Variants in CORIN observed in about 807,000 individuals in gnomAD.
CORIN encodes the protein atrial natriuretic peptide-converting enzyme.
CORIN carries 117 observed loss-of-function variants against 125.3 expected under a neutral mutation model. That is an observed-to-expected ratio of 0.93 (90% CI 0.80 to 1.09). The LOEUF is 1.09. Ranked by LOEUF, CORIN falls within the 50% of genes least tolerant of loss-of-function variation. The probability of loss-of-function intolerance (pLI) is 0.00; values close to 1 mark genes in which losing one functional copy is unlikely to be tolerated. For synonymous variants in CORIN, 450 were observed against 466.4 expected (o/e 0.96, Z 0.45); for missense variants, 1,253 against 1,306.7 (o/e 0.96, Z 0.63).
At position 47,645,858 on chromosome 4, in the gene CORIN, C is replaced by T. The variant is rs531100360; in HGVS notation, c.1844-664G>A. ...CCGAGATTGCACAACTGCACTCCAG[C>T]CTGGGTGACAGAACAAGACTCTGCC... On this transcript the variant is annotated intron_variant, in intron 13 of 21. Coordinates refer to ENST00000273857, the MANE Select transcript of CORIN (RefSeq NM_006587.4). Among the ~76,000 whole-genome samples, 11 of 152,200 alleles carry T rather than the reference C, an allele frequency of 7.2e-5. No homozygotes were observed. In the East Asian group the frequency reaches 2.1e-3, roughly 29 times the overall value.
intron 2 of CORIN, among the ~76,000 whole-genome samples, chr4:47,792,969 T>G (rs541674508): frequency 5.8e-4 from 88 of 152,362 alleles, no homozygotes; most frequent in African/African-American, 2.0e-3. Flanking sequence ...TGACAGAGTC[T>G]AGCCAATCTT....
chr4:47,783,695 T>TG (rs1730650853), intron 3 of CORIN, among the ~76,000 whole-genome samples: 1 of 152,054 alleles, frequency 6.6e-6, no homozygotes, highest in Admixed American at 6.6e-5. Flanking sequence ...TTAATACAGA[T>TG]CTAAGACATT....
intron 19 of CORIN, among the ~76,000 whole-genome samples, chr4:47,613,897 A>T (rs1232111876): frequency 1.3e-5 from 2 of 151,838 alleles, no homozygotes; most frequent in Admixed American, 6.6e-5. Flanking sequence ...AGCATGGCAC[A>T]TGTACACGTA....
At chr4:47,668,484 A>T (rs1245788903) in intron 10 of CORIN, among the ~76,000 whole-genome samples, 1 of 152,208 alleles carries the variant, frequency 6.6e-6, no homozygotes, top group African/African-American at 2.4e-5. Context: ...CTTATTTGTC[A>T]TGACCATCTT....
At chr4:47,787,069 G>GT (rs529181716) in intron 2 of CORIN, 144 bp from the exon 3 acceptor site, 7 of 642,938 alleles carry the variant, frequency 1.1e-5, no homozygotes, top group African/African-American at 5.5e-5. Flanking sequence ...GATGAAAGCC[G>GT]TAATAGTGAC....
intron 9 of CORIN, among the ~76,000 whole-genome samples, chr4:47,676,331 G>A (rs772947367): frequency 9.2e-5 from 14 of 152,132 alleles, no homozygotes; most frequent in East Asian, 1.9e-4. Context: ...TTGGTCAAGC[G>A]GTGCCTTGTG....
intron 5 of CORIN, among the ~76,000 whole-genome samples, chr4:47,704,605 C>G (rs1209692872): frequency 6.6e-6 from 1 of 152,016 alleles, no homozygotes; most frequent in African/African-American, 2.4e-5. Flanking sequence ...TCTACTTTAT[C>G]CATAAAGAGG....
chr4:47,687,910 A>G (rs1366861536), intron 6 of CORIN, among the ~76,000 whole-genome samples: 1 of 152,158 alleles, frequency 6.6e-6, no homozygotes, highest in Non-Finnish European at 1.5e-5. Context: ...AGGGTTTCTC[A>G]ACGGCAGTAT....
chr4:47,643,185 C>T lies in CORIN; in HGVS notation c.2029G>A (p.Glu677Lys), dbSNP rs1418872264. 2 of 1,614,112 alleles carry T rather than the reference C, an allele frequency of 1.2e-6. No individual in the cohort carries two copies. The highest frequency in any genetic ancestry group is 2.7e-5 in the African/African-American group (2 of 75,050). ...CVSRDLWCDG[E>K]ADCSDSSDEW... Reference sequence around the variant, plus strand: ...TCTGAACTGTCTGAGCAGTCGGCTTCACCATCACACCACAGGTCACGTGAC... The same window carrying T: ...TCTGAACTGTCTGAGCAGTCGGCTTTACCATCACACCACAGGTCACGTGAC... The change falls in exon 15 of 22, where the codon GAA becomes AAA. Residue 677 changes from glutamate (E) to lysine (K), a missense_variant. Glu to Lys is a moderately conservative substitution (Grantham distance 56). Transcript: ENST00000273857.
chr4:47,658,947 C>A (rs1724119925), intron 12 of CORIN, among the ~76,000 whole-genome samples: 3 of 152,222 alleles, frequency 2.0e-5, no homozygotes, highest in Non-Finnish European at 4.4e-5. Context: ...CTGTTAGACG[C>A]AGCCAGGCTA....
intron 3 of CORIN, among the ~76,000 whole-genome samples, chr4:47,782,175 A>T (rs1382548917): frequency 6.6e-6 from 1 of 151,970 alleles, no homozygotes; most frequent in Non-Finnish European, 1.5e-5. Flanking sequence ...ACTTGAGGTC[A>T]GGAGTTCAAG....
intron 2 of CORIN, among the ~76,000 whole-genome samples, chr4:47,797,629 G>A (rs1731355873): frequency 6.6e-6 from 1 of 152,060 alleles, no homozygotes; most frequent in African/African-American, 2.4e-5. Flanking sequence ...CAGAGTTAAT[G>A]TGAGACAAAA....
chr4:47,652,279 T>C (rs1287359931), intron 13 of CORIN, among the ~76,000 whole-genome samples: 1 of 152,196 alleles, frequency 6.6e-6, no homozygotes, highest in Non-Finnish European at 1.5e-5. Context: ...CATTAGTCCA[T>C]ATTTATAGGA....
intron 5 of CORIN, among the ~76,000 whole-genome samples, chr4:47,719,341 A>T (rs1727243515): frequency 6.6e-6 from 1 of 152,118 alleles, no homozygotes. Context: ...CCAGTGACTA[A>T]AACAATCCCC....
rs542872217 is a variant in CORIN at position 47,737,352 on chromosome 4, A to C, written c.799+7050T>G. Reference sequence around the variant, plus strand: ...ATATATGTCTACCCTTCAAGAATCTATTGCTACATTTGCTGGCCCACTGCC... The same window carrying C: ...ATATATGTCTACCCTTCAAGAATCTCTTGCTACATTTGCTGGCCCACTGCC... On this transcript the variant is annotated intron_variant, in intron 5 of 21. Transcript: ENST00000273857. Among the ~76,000 whole-genome samples the C allele has an allele frequency of 2.6e-5, 4 of 152,238 alleles. No individual in the cohort carries two copies. The East Asian group carries it at 7.7e-4, about 29-fold the overall frequency.
chr4:47,830,680 T>C (rs915016576), intron 1 of CORIN, among the ~76,000 whole-genome samples: 3 of 152,220 alleles, frequency 2.0e-5, no homozygotes, highest in Non-Finnish European at 2.9e-5. Flanking sequence ...GGTCTAGCTA[T>C]GGCTTTCACT....
chr4:47,828,485 T>C (rs1199416079), intron 1 of CORIN, among the ~76,000 whole-genome samples: 2 of 152,214 alleles, frequency 1.3e-5, no homozygotes, highest in African/African-American at 4.8e-5. Context: ...TTAGAGTTTC[T>C]GAATTGGTGA....
At chr4:47,790,690 T>C (rs991609465) in intron 2 of CORIN, among the ~76,000 whole-genome samples, 2 of 152,142 alleles carry the variant, frequency 1.3e-5, no homozygotes, top group Non-Finnish European at 2.9e-5. Flanking sequence ...GTAATGACAA[T>C]AAAATTGTCT....
At chr4:47,667,177 T>C (rs1378337629) in intron 10 of CORIN, among the ~76,000 whole-genome samples, 1 of 152,204 alleles carries the variant, frequency 6.6e-6, no homozygotes, top group Non-Finnish European at 1.5e-5. Flanking sequence ...TGCCACCATG[T>C]GAGACGTGCC....
Sources: allele counts gnomAD v4.1 joint callset (sites outside exome capture counted in the v4.1 genomes callset), GRCh38; gene constraint gnomAD v4.1.1; transcripts MANE v1.5; gene names NCBI Gene and HGNC (gene_info 2026-07-23, HGNC 2026-07-21).